FAM120A: variants seen among roughly 807,000 people sequenced by gnomAD.
FAM120A encodes constitutive coactivator of PPAR-gamma-like protein 1.
FAM120A carries 15 observed loss-of-function variants against 109.7 expected under a neutral mutation model. The observed-to-expected ratio is 0.14, with a 90% CI of 0.09 to 0.21. FAM120A has a LOEUF of 0.21. Among genes scored for constraint, FAM120A ranks in the 10% least tolerant of loss-of-function variants. The pLI, the probability that FAM120A is intolerant of heterozygous loss-of-function variation, is 1.00. For synonymous variants in FAM120A, 493 were observed against 572.8 expected (o/e 0.86, Z 1.99); for missense variants, 899 against 1,439.3 (o/e 0.62, Z 6.07).
intron 5 of FAM120A, among the ~76,000 whole-genome samples, chr9:93,513,479 A>G (rs777639964): frequency 5.3e-5 from 8 of 152,318 alleles, no homozygotes; most frequent in South Asian, 2.1e-4. Flanking sequence ...ACGTGTGTCT[A>G]TGTGCGTGTT....
At chr9:93,490,628 G>A (rs941155612) in intron 3 of FAM120A, among the ~76,000 whole-genome samples, 1 of 152,228 alleles carries the variant, frequency 6.6e-6, no homozygotes, top group African/African-American at 2.4e-5. Flanking sequence ...GTAACCAAGA[G>A]TGAGACTGCA....
At chr9:93,560,834 C>CCT (rs1862440918) in intron 15 of FAM120A, among the ~76,000 whole-genome samples, 1 of 152,180 alleles carries the variant, frequency 6.6e-6, no homozygotes. Context: ...GCCATATGCA[C>CCT]CTGATGACAC....
At chr9:93,524,638 G>A (rs534677277) in intron 7 of FAM120A, among the ~76,000 whole-genome samples, 5 of 152,364 alleles carry the variant, frequency 3.3e-5, no homozygotes, top group East Asian at 1.9e-4. Context: ...TGTCTGTAGC[G>A]TCGGCTCGGC....
At chr9:93,558,936 G>C (rs1862386529) in intron 15 of FAM120A, among the ~76,000 whole-genome samples, 1 of 152,254 alleles carries the variant, frequency 6.6e-6, no homozygotes, top group African/African-American at 2.4e-5. Context: ...TCTCCTTTCA[G>C]GGTAGACCAC....
chr9:93,508,350 G>A (rs971048826), intron 5 of FAM120A, among the ~76,000 whole-genome samples: 1 of 152,178 alleles, frequency 6.6e-6, no homozygotes, highest in Non-Finnish European at 1.5e-5. Context: ...CAGGTGCTTG[G>A]GAAGGGCCCC....
intron 2 of FAM120A, among the ~76,000 whole-genome samples, chr9:93,474,406 A>G: frequency 6.6e-6 from 1 of 152,100 alleles, no homozygotes; most frequent in Non-Finnish European, 1.5e-5. Flanking sequence ...CAAATGAGAA[A>G]GCTTATTTTT....
At chr9:93,535,053 A>T (rs544593535) in intron 10 of FAM120A, among the ~76,000 whole-genome samples, 30 of 152,310 alleles carry the variant, frequency 2.0e-4, no homozygotes, top group African/African-American at 7.0e-4. Context: ...GATTTCATAA[A>T]CATTTATGTC....
chr9:93,483,322 G>A (rs2131301480), intron 3 of FAM120A, among the ~76,000 whole-genome samples: 1 of 150,936 alleles, frequency 6.6e-6, no homozygotes, highest in African/African-American at 2.4e-5. Flanking sequence ...TTTAGCTTTA[G>A]AAAATATAAT....
chr9:93,474,053 G>A (rs562720266), intron 2 of FAM120A, among the ~76,000 whole-genome samples: 2 of 149,314 alleles, frequency 1.3e-5, no homozygotes, highest in Admixed American at 6.7e-5. Flanking sequence ...TACTTTTCTA[G>A]CTTGTTAGTT....
chr9:93,456,762 C>T (rs1857562478), intron 1 of FAM120A, among the ~76,000 whole-genome samples: 1 of 103,786 alleles, frequency 9.6e-6, no homozygotes, highest in South Asian at 2.3e-4. Context: ...TGCCTACCTA[C>T]AATTCTCACC....
intron 17 of FAM120A, 84 bp from the exon 18 acceptor site, chr9:93,564,145 A>T (rs553683003): frequency 2.2e-6 from 3 of 1,343,852 alleles, no homozygotes; most frequent in East Asian, 4.6e-5. Context: ...ATCTGCAGAG[A>T]GTGTCATTAG....
chr9:93,484,182 A>G (rs892087172), intron 3 of FAM120A, among the ~76,000 whole-genome samples: 1 of 152,098 alleles, frequency 6.6e-6, no homozygotes, highest in Non-Finnish European at 1.5e-5. Context: ...CAGCCTCCCA[A>G]GTAGCTGGGA....
At chr9:93,483,442 TTGAC>T (rs1858910034) in intron 3 of FAM120A, among the ~76,000 whole-genome samples, 1 of 152,128 alleles carries the variant, frequency 6.6e-6, no homozygotes, top group East Asian at 1.9e-4. Context: ...ATGACGTAGT[TTGAC>T]TGAACCCTCT....
chr9:93,540,025 C>T (rs1489639053), intron 10 of FAM120A, among the ~76,000 whole-genome samples: 1 of 152,214 alleles, frequency 6.6e-6, no homozygotes. Context: ...ATTATCTCTA[C>T]ATAATGAGGG....
intron 9 of FAM120A, chr9:93,531,205 T>A (rs1861318218): frequency 6.6e-6 from 1 of 152,170 alleles, no homozygotes; most frequent in Admixed American, 6.5e-5. Context: ...TTAGAACACA[T>A]GTAGCTACTG....
chr9:93,535,795 T>C (rs1281168632), intron 10 of FAM120A, among the ~76,000 whole-genome samples: 1 of 152,218 alleles, frequency 6.6e-6, no homozygotes, highest in Non-Finnish European at 1.5e-5. Flanking sequence ...TGAGAATATC[T>C]TGTGATTGTT....
intron 3 of FAM120A, among the ~76,000 whole-genome samples, chr9:93,491,751 C>T (rs916383884): frequency 6.6e-6 from 1 of 151,948 alleles, no homozygotes; most frequent in Non-Finnish European, 1.5e-5. Flanking sequence ...TTTACTTACT[C>T]TCCTTAGAGA....
intron 2 of FAM120A, among the ~76,000 whole-genome samples, chr9:93,474,278 C>A (rs1160086356): frequency 6.6e-6 from 1 of 151,902 alleles, no homozygotes; most frequent in African/African-American, 2.4e-5. Context: ...ACCTCTGTCT[C>A]CCAGGTTCAA....
At chr9:93,497,722 T>C in intron 4 of FAM120A, 123 bp downstream of exon 4, 1 of 1,213,756 alleles carries the variant, frequency 8.2e-7, no homozygotes, top group Non-Finnish European at 1.1e-6. Context: ...GTCTGAGAGC[T>C]CTTGCTCAGG....
Sources: allele counts gnomAD v4.1 joint callset (sites outside exome capture counted in the v4.1 genomes callset), GRCh38; gene constraint gnomAD v4.1.1; transcripts MANE v1.5; gene names NCBI Gene and HGNC (gene_info 2026-07-23, HGNC 2026-07-21).